Variants in EYS observed in about 807,000 individuals in gnomAD.
The protein encoded by EYS is protein eyes shut homolog.
EYS carries 250 observed loss-of-function variants against 282.1 expected under a neutral mutation model. That is an observed-to-expected ratio of 0.89 (90% CI 0.80 to 0.98). The LOEUF (loss-of-function observed/expected upper bound fraction) is 0.98. Among genes scored for constraint, EYS ranks in the 50% least tolerant of loss-of-function variants. The pLI is 0.00. For synonymous variants in EYS, 1,355 were observed against 1,282.9 expected (o/e 1.06, Z -1.20); for missense variants, 4,016 against 3,709.0 (o/e 1.08, Z -2.15).
intron 1 of EYS, among the ~76,000 whole-genome samples, chr6:65,694,610 T>G (rs1260643002): frequency 6.7e-6 from 1 of 149,876 alleles, no homozygotes; most frequent in Non-Finnish European, 1.5e-5. Context: ...CAGTGTACTT[T>G]CTGGGGTCAG....
At chr6:64,406,051 T>C (rs1277594802) in intron 28 of EYS, among the ~76,000 whole-genome samples, 1 of 152,156 alleles carries the variant, frequency 6.6e-6, no homozygotes, top group Non-Finnish European at 1.5e-5. Context: ...ACTACCTGAC[T>C]TCAAACTGTA....
At chr6:65,702,127 A>AC (rs1357717933) in intron 1 of EYS, among the ~76,000 whole-genome samples, 7 of 152,190 alleles carry the variant, frequency 4.6e-5, no homozygotes, top group Admixed American at 6.5e-5. Flanking sequence ...AATGGCTCTC[A>AC]GTTATTTCTT....
intron 12 of EYS, among the ~76,000 whole-genome samples, chr6:65,184,283 G>T (rs558106513): frequency 6.6e-6 from 1 of 151,966 alleles, no homozygotes; most frequent in South Asian, 2.1e-4. Flanking sequence ...GAGCCTTCTT[G>T]CTATGCCATA....
intron 35 of EYS, among the ~76,000 whole-genome samples, chr6:63,947,743 A>G (rs566391824): frequency 6.6e-6 from 1 of 152,306 alleles, no homozygotes; most frequent in East Asian, 1.9e-4. Context: ...ATAATAAGCA[A>G]TTAGAAAAAA....
At chr6:65,587,667 AC>A (rs1256582635) in intron 2 of EYS, among the ~76,000 whole-genome samples, 4 of 152,096 alleles carry the variant, frequency 2.6e-5, no homozygotes, top group Non-Finnish European at 4.4e-5. Flanking sequence ...CGAAAGGCGA[AC>A]ATAAATCCCT....
chr6:65,192,212 C>T lies in EYS; in HGVS notation c.2023+103651G>A, dbSNP rs151300572. Among the ~76,000 whole-genome samples the T allele has an allele frequency of 6.0e-3, 910 of 151,358 alleles. 6 individuals carry two copies. The highest frequency in any genetic ancestry group is 0.02 in the African/African-American group (845 of 41,304). ...TTTTTTATCATAAAAAACAAAAACA[C>T]TCAATTAGAAAAAATATGGATAGCA... On this transcript the variant is annotated intron_variant, in intron 12 of 42. Transcript: ENST00000503581.
chr6:64,574,779 T>C (rs913228129), intron 26 of EYS, among the ~76,000 whole-genome samples: 1 of 152,152 alleles, frequency 6.6e-6, no homozygotes, highest in Admixed American at 6.6e-5. Flanking sequence ...TGATGAAAAA[T>C]ATGTAATTTC....
intron 36 of EYS, among the ~76,000 whole-genome samples, chr6:63,838,321 T>C (rs1337730764): frequency 6.6e-6 from 1 of 152,122 alleles, no homozygotes; most frequent in South Asian, 2.1e-4. Flanking sequence ...TAGACGTTAG[T>C]ATAAAGATTT....
intron 26 of EYS, among the ~76,000 whole-genome samples, chr6:64,532,361 T>G (rs756893667): frequency 3.3e-5 from 5 of 152,126 alleles, no homozygotes; most frequent in Non-Finnish European, 5.9e-5. Flanking sequence ...ACCTGCAGAT[T>G]AGGTTAAATC....
At chr6:65,400,323 T>C (rs957209134) in intron 7 of EYS, among the ~76,000 whole-genome samples, 7 of 151,998 alleles carry the variant, frequency 4.6e-5, no homozygotes, top group African/African-American at 1.2e-4. Context: ...TTCCAAAGTA[T>C]TCACATAAAC....
chr6:64,826,179 C>A (rs1765050588), intron 19 of EYS, among the ~76,000 whole-genome samples: 1 of 151,810 alleles, frequency 6.6e-6, no homozygotes. Context: ...CTTGACCTGG[C>A]ATGCATCACT....
At chr6:64,429,502 G>T (rs1295867737) in intron 28 of EYS, among the ~76,000 whole-genome samples, 1 of 152,030 alleles carries the variant, frequency 6.6e-6, no homozygotes, top group Non-Finnish European at 1.5e-5. Flanking sequence ...ATGGTGGCAG[G>T]CACCTGTAAT....
intron 31 of EYS, among the ~76,000 whole-genome samples, chr6:64,105,396 C>T (rs968456440): frequency 6.6e-6 from 1 of 152,074 alleles, no homozygotes; most frequent in African/African-American, 2.4e-5. Context: ...CAACCTTCTC[C>T]ACTAATGACA....
chr6:63,782,702 CT>C (rs1166074446), intron 39 of EYS, among the ~76,000 whole-genome samples: 1 of 152,108 alleles, frequency 6.6e-6, no homozygotes, highest in Non-Finnish European at 1.5e-5. Flanking sequence ...AAAAAACCAG[CT>C]TCTGGATTCA....
intron 22 of EYS, among the ~76,000 whole-genome samples, chr6:64,677,266 G>A (rs576002402): frequency 5.3e-5 from 8 of 152,042 alleles, no homozygotes; most frequent in Admixed American, 6.5e-5. Flanking sequence ...ATGCAATTAA[G>A]TTTCATATGG....
At chr6:65,077,790 G>C (rs1554149301) in intron 12 of EYS, among the ~76,000 whole-genome samples, 4 of 151,954 alleles carry the variant, frequency 2.6e-5, no homozygotes, top group African/African-American at 2.4e-5. Flanking sequence ...GATCTTAAAA[G>C]TAAGATGTCT....
intron 21 of EYS, among the ~76,000 whole-genome samples, chr6:64,820,084 C>G (rs1764855945): frequency 6.6e-6 from 1 of 151,976 alleles, no homozygotes. Flanking sequence ...TGCTCATACT[C>G]TCATCAGGTA....
Position 64,822,616 on chromosome 6 carries a change from A to T in EYS, c.3164+35T>A, listed in dbSNP as rs536792101. The stretch of plus-strand genomic sequence containing the variant: ...GTCTTAAATATTGTGAGTTAAATAT[A>T]CTTTCATAAAGCTAATAATAAAAAA... On this transcript the variant is annotated intron_variant, in intron 20 of 42. Transcript: ENST00000503581. 692 of 1,454,398 alleles carry T rather than the reference A, an allele frequency of 4.8e-4. 12 individuals are homozygous for T. In the South Asian group the frequency reaches 8.8e-3, roughly 18 times the overall value. The allele number at this position is 1,454,398 out of a possible 1,614,324, so 90.1% of individuals were successfully genotyped here. A position where few individuals can be genotyped will look rare whatever the true frequency, so the allele number is the denominator to read the frequency against.
At chr6:65,650,567 C>G (rs1352349736) in intron 1 of EYS, among the ~76,000 whole-genome samples, 2 of 152,128 alleles carry the variant, frequency 1.3e-5, no homozygotes, top group African/African-American at 4.8e-5. Context: ...TAAAGGTAAA[C>G]AGGATTCTCT....
Sources: allele counts gnomAD v4.1 joint callset (sites outside exome capture counted in the v4.1 genomes callset), GRCh38; gene constraint gnomAD v4.1.1; transcripts MANE v1.5; gene names NCBI Gene and HGNC (gene_info 2026-07-23, HGNC 2026-07-21).